The following EEF1E1 variants were observed in gnomAD, a reference collection of about 807,000 sequenced individuals.
The protein encoded by EEF1E1 is eukaryotic translation elongation factor 1 epsilon-1.
A neutral mutation model predicts 19.9 loss-of-function variants in EEF1E1; 19 were observed. That is an observed-to-expected ratio of 0.95 (90% confidence interval 0.66 to 1.40). The LOEUF (loss-of-function observed/expected upper bound fraction) is 1.40. Among genes scored for constraint, EEF1E1 ranks in the 40% most tolerant of loss-of-function variants. EEF1E1 has a pLI of 0.00. For missense variants in EEF1E1, 198 were observed against 202.2 expected, an observed-to-expected ratio of 0.98 and a Z score of 0.13; for synonymous variants, 81 against 80.0, an observed-to-expected ratio of 1.01 and a Z score of -0.07.
At chr6:8,077,154 A>G (rs1055575216), downstream of EEF1E1, among the ~76,000 whole-genome samples, 17 of 152,178 alleles carry the variant, frequency 1.1e-4, 1 homozygote, top group Non-Finnish European at 1.5e-4. Context: ...CGTGTTAGCC[A>G]GGATTGTCTC....
rs1476591180 is a variant in EEF1E1, at chr6:8,079,492, A to G, written c.*398T>C. 3.2e-5 allele frequency: 32 copies of G among 994,314 alleles called. No homozygotes were observed. Among genetic ancestry groups the G allele is most frequent in the Non-Finnish European group, 3.7e-5 (31 of 834,494 alleles). The allele number at this position is 994,314 out of a possible 1,614,324, so 61.6% of individuals were successfully genotyped here. ...CCTTGGCACAATTTATCAGTTCTTA[A>G]CAAACTACCATAAATATCCATAAGG... is the stretch of plus-strand genomic sequence containing the variant. On this transcript the variant is annotated 3_prime_UTR_variant, in exon 4 of 4. Coordinates refer to ENST00000379715, the MANE Select transcript of EEF1E1 (RefSeq NM_004280.5).
chr6:8,095,963 G>A (rs967388411), intron 2 of EEF1E1, among the ~76,000 whole-genome samples: 5 of 152,174 alleles, frequency 3.3e-5, no homozygotes, highest in African/African-American at 1.2e-4. Flanking sequence ...TGCACTGCAA[G>A]CGTTTATATA....
chr6:8,079,280 A>G (rs1378101093), downstream of EEF1E1: 1 of 484,990 alleles, frequency 2.1e-6, no homozygotes, highest in Non-Finnish European at 2.7e-6. Flanking sequence ...CAACAACAAA[A>G]AAGAATCATT....
At chr6:8,083,636 A>G (rs529602906) in intron 3 of EEF1E1, among the ~76,000 whole-genome samples, 1 of 152,348 alleles carries the variant, frequency 6.6e-6, no homozygotes, top group South Asian at 2.1e-4. Context: ...AGCCATGACT[A>G]AAATTGGGCT....
intron 2 of EEF1E1, among the ~76,000 whole-genome samples, chr6:8,092,868 G>GTTTTTTTTTTTTTTTTTTTTTTT (rs1554099258): frequency 1.8e-5 from 2 of 108,200 alleles, no homozygotes; most frequent in African/African-American, 3.7e-5. Flanking sequence ...GATAAAGACT[G>GTTTTTTTTTTTTTTTTTTTTTTT]CTTTTTTTTT....
chr6:8,080,075 T>G, intron 3 of EEF1E1, 45 bp from the exon 4 acceptor site: 2 of 1,591,680 alleles, frequency 1.3e-6, no homozygotes, highest in Non-Finnish European at 1.7e-6. Context: ...AGATGTTACA[T>G]AAGCACAACT....
At position 8,090,326 on chromosome 6, in the gene EEF1E1, AAT is replaced by A. The variant is rs112437399; in HGVS notation, c.289-47_289-46del. On this transcript the variant is annotated intron_variant, in intron 2 of 3. Transcript: ENST00000379715. ...AATAAATATTAATGTAAAAAACAGT[AAT>A]AATAAAGTTAATTATCATATCATGA... 1.4e-5 allele frequency: 18 copies of A among 1,309,958 alleles called. No individual in the cohort carries two copies. The African/African-American group carries it at 2.4e-4, about 17-fold the overall frequency. 81.1% of individuals were successfully genotyped at this position (1,309,958 alleles called of 1,614,324 possible). A position where few individuals can be genotyped will look rare whatever the true frequency, so the allele number is the denominator to read the frequency against.
At chr6:8,085,248 G>C (rs1757820759) in intron 3 of EEF1E1, among the ~76,000 whole-genome samples, 1 of 151,964 alleles carries the variant, frequency 6.6e-6, no homozygotes, top group Non-Finnish European at 1.5e-5. Context: ...CCTGGGCTCA[G>C]AAGATCCTCC....
At chr6:8,093,029 G>A (rs912077050) in intron 2 of EEF1E1, among the ~76,000 whole-genome samples, 1 of 151,704 alleles carries the variant, frequency 6.6e-6, no homozygotes, top group Admixed American at 6.6e-5. Context: ...CACACAACAT[G>A]ACTGGCTAAT....
At chr6:8,101,682 T>G (rs1331379583) in intron 1 of EEF1E1, 4 of 1,172,522 alleles carry the variant, frequency 3.4e-6, no homozygotes, top group Non-Finnish European at 4.4e-6. Flanking sequence ...TACAACCAAT[T>G]TCCTTCTCTA....
intron 2 of EEF1E1, among the ~76,000 whole-genome samples, chr6:8,095,131 T>C (rs1758129921): frequency 6.6e-6 from 1 of 152,176 alleles, no homozygotes; most frequent in South Asian, 2.1e-4. Context: ...AACGCTAACA[T>C]GTTATTAAAA....
chr6:8,100,560 G>A (rs560040536), intron 1 of EEF1E1, among the ~76,000 whole-genome samples: 4 of 152,052 alleles, frequency 2.6e-5, no homozygotes, highest in South Asian at 4.2e-4. Flanking sequence ...CCGGACCTTC[G>A]GCTGATAGAA....
chr6:8,081,241 G>C, intron 3 of EEF1E1, among the ~76,000 whole-genome samples: 1 of 152,160 alleles, frequency 6.6e-6, no homozygotes, highest in South Asian at 2.1e-4. Flanking sequence ...CTACACACAA[G>C]CTGCTCTAGC....
intron 3 of EEF1E1, among the ~76,000 whole-genome samples, chr6:8,084,777 CCCTG>C (rs1313807221): frequency 6.6e-6 from 1 of 152,136 alleles, no homozygotes; most frequent in Non-Finnish European, 1.5e-5. Flanking sequence ...GTTCTTGGAG[CCCTG>C]TTGGGTAGCC....
rs916885633 is a variant in EEF1E1 at position 8,079,608 on chromosome 6, G to A, written c.*282C>T. ...GACCACCAATTTTAAGATTAAGCCC[G>A]ATTTGCAACTTTTATTGAAATAAAT... On this transcript the variant is annotated 3_prime_UTR_variant, in exon 4 of 4. Transcript: ENST00000379715. 3.3e-5 allele frequency: 35 copies of A among 1,073,850 alleles called. No homozygotes were observed. Among genetic ancestry groups the A allele is most frequent in the Middle Eastern group, 4.2e-4 (1 of 2,384 alleles). 66.5% of individuals were successfully genotyped at this position (1,073,850 alleles called of 1,614,324 possible).
At chr6:8,087,009 G>A (rs138129583) in intron 3 of EEF1E1, among the ~76,000 whole-genome samples, 9 of 152,284 alleles carry the variant, frequency 5.9e-5, no homozygotes, top group African/African-American at 1.7e-4. Context: ...TGGTTTAGGC[G>A]CCTGAGAGAG....
intron 3 of EEF1E1, 40 bp from the exon 4 acceptor site, chr6:8,080,070 T>C: frequency 6.2e-7 from 1 of 1,602,896 alleles, no homozygotes; most frequent in East Asian, 2.2e-5. Context: ...AACACAGATG[T>C]TACATAAGCA....
chr6:8,101,240 AAAAATATATATATATATATATAT>A lies in EEF1E1; in HGVS notation c.87+1172_87+1194del, dbSNP rs1187826085. Among the ~76,000 whole-genome samples the A allele has an allele frequency of 7.0e-4, 53 of 76,214 alleles. 8 individuals are homozygous for A. Among genetic ancestry groups the A allele is most frequent in the African/African-American group, 3.1e-3 (53 of 17,090 alleles). The allele number at this position is 76,214 out of a possible 152,430, so 50.0% of individuals were successfully genotyped here. On this transcript the variant is annotated intron_variant, in intron 1 of 3. Transcript: ENST00000379715. ...GACTTTGTCTCAAAAAAAAAAAAAA[AAAAATATATATATATATATATAT>A]ATATATATATATATATATATGGCAC...
intron 3 of EEF1E1, among the ~76,000 whole-genome samples, chr6:8,088,299 G>C (rs891854645): frequency 1.2e-4 from 18 of 152,094 alleles, no homozygotes; most frequent in African/African-American, 3.9e-4. Context: ...CCAGAAAAGG[G>C]GCAGGAGGCA....
Sources: gnomAD v4.1 joint callset for allele counts (sites outside exome capture counted in the v4.1 genomes callset) on GRCh38, gnomAD v4.1.1 for gene constraint, MANE v1.5 for transcripts, NCBI Gene and HGNC (gene_info 2026-07-23, HGNC 2026-07-21) for gene names.